The following TMEM232 variants were observed in gnomAD, a reference collection of about 807,000 sequenced individuals.
TMEM232 encodes the protein transmembrane protein 232.
TMEM232 carries 80 observed loss-of-function variants against 78.8 expected under a neutral mutation model. That is an observed-to-expected ratio of 1.01 (90% CI 0.85 to 1.22). The LOEUF (loss-of-function observed/expected upper bound fraction) is 1.22. Among genes scored for constraint, TMEM232 ranks in the 50% most tolerant of loss-of-function variants. The pLI is 0.00. For synonymous variants in TMEM232, 297 were observed against 254.3 expected (o/e 1.17, Z -1.60); for missense variants, 881 against 742.2 (o/e 1.19, Z -2.17).
At chr5:110,450,136 A>C (rs1309452530) in intron 12 of TMEM232, among the ~76,000 whole-genome samples, 1 of 152,078 alleles carries the variant, frequency 6.6e-6, no homozygotes, top group Non-Finnish European at 1.5e-5. Flanking sequence ...GCCCCTTCAC[A>C]CTTCCACCAT....
chr5:110,498,994 G>A (rs1408732597), intron 12 of TMEM232, among the ~76,000 whole-genome samples: 2 of 152,114 alleles, frequency 1.3e-5, no homozygotes, highest in Non-Finnish European at 1.5e-5. Flanking sequence ...CAATAATAAG[G>A]AGGCTTTGAT....
At chr5:110,614,773 T>C (rs1782724938) in intron 8 of TMEM232, among the ~76,000 whole-genome samples, 1 of 151,988 alleles carries the variant, frequency 6.6e-6, no homozygotes, top group Non-Finnish European at 1.5e-5. Flanking sequence ...TAGTTGTTTG[T>C]CATTTTGAAA....
chr5:110,458,900 G>T (rs1761181630), intron 12 of TMEM232, among the ~76,000 whole-genome samples: 1 of 152,078 alleles, frequency 6.6e-6, no homozygotes, highest in South Asian at 2.1e-4. Flanking sequence ...GTGCTAAGTT[G>T]CACTTAATAT....
chr5:110,736,434 G>A (rs756408087), intron 1 of TMEM232, among the ~76,000 whole-genome samples: 35 of 152,032 alleles, frequency 2.3e-4, no homozygotes, highest in Admixed American at 4.6e-4. Context: ...ATGCAAGCCC[G>A]TGCTCAGACA....
intron 10 of TMEM232, among the ~76,000 whole-genome samples, chr5:110,600,423 A>G (rs959330835): frequency 2.0e-5 from 3 of 152,212 alleles, no homozygotes; most frequent in Non-Finnish European, 4.4e-5. Flanking sequence ...TAGCCAGACT[A>G]TTACAGAAGA....
chr5:110,399,789 A>G (rs1755525894), intron 2 of TMEM232, among the ~76,000 whole-genome samples: 1 of 152,138 alleles, frequency 6.6e-6, no homozygotes, highest in Admixed American at 6.6e-5. Flanking sequence ...ATCCAAGACA[A>G]ATTCCCTGGT....
intron 12 of TMEM232, among the ~76,000 whole-genome samples, chr5:110,495,227 CTA>C (rs547109016): frequency 3.2e-4 from 49 of 151,894 alleles, no homozygotes; most frequent in Non-Finnish European, 6.3e-4. Flanking sequence ...TCCGCCTTAT[CTA>C]TATATGTTAA....
chr5:110,714,045 T>C (rs544192380), intron 1 of TMEM232, among the ~76,000 whole-genome samples: 20 of 152,282 alleles, frequency 1.3e-4, no homozygotes, highest in African/African-American at 4.6e-4. Flanking sequence ...AAAACAAATT[T>C]TGCAATACTT....
At chr5:110,711,692 G>A (rs1377845497) in intron 1 of TMEM232, among the ~76,000 whole-genome samples, 1 of 152,156 alleles carries the variant, frequency 6.6e-6, no homozygotes. Flanking sequence ...GTAAAAGACA[G>A]TCTCTTCAAT....
At chr5:110,729,750 TC>T (rs1350272255), upstream of TMEM232, among the ~76,000 whole-genome samples, 1 of 152,188 alleles carries the variant, frequency 6.6e-6, no homozygotes, top group Admixed American at 6.5e-5. Context: ...TGCTTCTTGG[TC>T]CTCTAGAACA....
chr5:110,420,615 G>A lies in TMEM232; in HGVS notation c.1939C>T (p.Pro647Ser). The A allele has an allele frequency of 6.7e-7, 1 of 1,501,146 alleles. No individual in the cohort carries two copies. The highest frequency in any genetic ancestry group is 8.8e-7 in the Non-Finnish European group (1 of 1,136,196). The allele number at this position is 1,501,146 out of a possible 1,614,324, so 93.0% of individuals were successfully genotyped here. ...REEKLHKQTK[P>S]YELPYRKEVI is the part of the protein sequence containing the mutation. Reference sequence around the variant, plus strand: ...TCCTTCCTATAAGGAAGTTCATAGGGCTTGGTTTGCTTATGTAGTTTCTCT... The same window carrying A: ...TCCTTCCTATAAGGAAGTTCATAGGACTTGGTTTGCTTATGTAGTTTCTCT... Residue 647 changes from proline (P) to serine (S), a missense_variant, in exon 14 of 14, where the codon CCC (proline) becomes TCC (serine). Pro to Ser is a moderately conservative substitution (Grantham distance 74, BLOSUM62 -1). Coordinates refer to ENST00000455884, the MANE Select transcript of TMEM232 (RefSeq NM_001039763.4).
intron 11 of TMEM232, among the ~76,000 whole-genome samples, chr5:110,536,905 G>A (rs963574582): frequency 6.6e-6 from 1 of 152,146 alleles, no homozygotes; most frequent in African/African-American, 2.4e-5. Flanking sequence ...AAGTGGGATA[G>A]GAAGCCCTTA....
Position 110,420,290 on chromosome 5 carries a change from G to T in TMEM232, c.*290C>A. The T allele has an allele frequency of 4.5e-6, 1 of 224,540 alleles. No homozygotes were observed. Among genetic ancestry groups the T allele is most frequent in the Non-Finnish European group, 8.6e-6 (1 of 116,890 alleles). The allele number at this position is 224,540 out of a possible 1,614,324, so 13.9% of individuals were successfully genotyped here. ...CTGAGAATCAGTTATCAAGTATGCTGTACAATCATGAGATAAAGGTCAATT... is the reference window on the plus strand; with the variant it reads ...CTGAGAATCAGTTATCAAGTATGCTTTACAATCATGAGATAAAGGTCAATT... On this transcript the variant is annotated 3_prime_UTR_variant, in exon 14 of 14. Transcript: ENST00000455884.
chr5:110,509,007 TATGTATATATATAC>T (rs1417359257), intron 12 of TMEM232, among the ~76,000 whole-genome samples: 2 of 145,320 alleles, frequency 1.4e-5, no homozygotes, highest in African/African-American at 5.1e-5. Flanking sequence ...TGTATATATA[TATGTATATATATAC>T]AATTATATAT....
chr5:110,512,339 T>A (rs1286358091), intron 12 of TMEM232, among the ~76,000 whole-genome samples: 1 of 152,158 alleles, frequency 6.6e-6, no homozygotes, highest in African/African-American at 2.4e-5. Flanking sequence ...CAAATAACTT[T>A]TGGTGGACAA....
At chr5:110,396,726 A>G (rs1755404113) in intron 3 of TMEM232, among the ~76,000 whole-genome samples, 1 of 152,226 alleles carries the variant, frequency 6.6e-6, no homozygotes, top group Admixed American at 6.6e-5. Flanking sequence ...ACATTCTTTT[A>G]TATAGTGATG....
chr5:110,548,342 T>C (rs564473148), intron 11 of TMEM232, among the ~76,000 whole-genome samples: 89 of 149,344 alleles, frequency 6.0e-4, no homozygotes, highest in African/African-American at 2.1e-3. Flanking sequence ...TAAATATTAT[T>C]AATCATTAAT....
At position 110,605,110 on chromosome 5, in the gene TMEM232, G is replaced by A. The variant is rs1410558617; in HGVS notation, c.1275C>T (p.Asn425=). 1.3e-6 allele frequency: 2 copies of A among 1,538,846 alleles called. No individual in the cohort carries two copies. Among genetic ancestry groups the A allele is most frequent in the Non-Finnish European group, 1.8e-6 (2 of 1,139,610 alleles). ...LEYFSSKMSE[N]CDQVVWTGYY... The stretch of plus-strand genomic sequence containing the variant: ...CAAAGTAAAAAACAATCTACTTACA[G>A]TTCTCTGACATTTTTGAAGAGAAAT... The change falls in exon 10 of 14, where the codon AAC becomes AAT. Residue 425 remains asparagine, a splice_region_variant and synonymous_variant. Coordinates refer to ENST00000455884, the MANE Select transcript of TMEM232 (RefSeq NM_001039763.4).
At chr5:110,519,517 T>C (rs1450958870) in intron 12 of TMEM232, among the ~76,000 whole-genome samples, 4 of 152,056 alleles carry the variant, frequency 2.6e-5, no homozygotes. Flanking sequence ...TTGTGGATTG[T>C]TGGAAGAAAT....
Sources: allele counts gnomAD v4.1 joint callset (sites outside exome capture counted in the v4.1 genomes callset), GRCh38; gene constraint gnomAD v4.1.1; transcripts MANE v1.5; gene names NCBI Gene and HGNC (gene_info 2026-07-23, HGNC 2026-07-21).